ANK3: variants seen among roughly 807,000 people sequenced by gnomAD.
ANK3 encodes ankyrin 3.
Under a neutral mutation model 370.9 loss-of-function variants are expected in ANK3, and 57 were observed. The ratio of observed to expected loss-of-function variants is 0.15; its 90% CI spans 0.12 to 0.19. The LOEUF is 0.19. ANK3 is among the 10% of genes least tolerant of loss of function. The pLI is 1.00. For synonymous variants in ANK3, 1,929 were observed against 1,946.3 expected, an observed-to-expected ratio of 0.99 and a Z score of 0.23; for missense variants, 4,439 against 5,302.1, an observed-to-expected ratio of 0.84 and a Z score of 5.06.
chr10:60,405,047 A>T (rs2063425375), intron 2 of ANK3, among the ~76,000 whole-genome samples: 1 of 152,292 alleles, frequency 6.6e-6, no homozygotes, highest in African/African-American at 2.4e-5. Flanking sequence ...AGGATGTAAA[A>T]CAACCAGAAC....
At chr10:60,501,810 CA>C (rs1018625259) in intron 2 of ANK3, among the ~76,000 whole-genome samples, 1 of 150,468 alleles carries the variant, frequency 6.6e-6, no homozygotes, top group East Asian at 2.0e-4. Context: ...CCCAAGTCTA[CA>C]AAAAAAAGGA....
At chr10:60,573,620 A>C (rs531122435) in intron 2 of ANK3, among the ~76,000 whole-genome samples, 1 of 152,330 alleles carries the variant, frequency 6.6e-6, no homozygotes, top group South Asian at 2.1e-4. Context: ...CCTGGGTGGA[A>C]ACCCCCTCAC....
chr10:60,111,625 A>G, intron 26 of ANK3: 1 of 342,482 alleles, frequency 2.9e-6, no homozygotes, highest in Non-Finnish European at 5.9e-6. Context: ...GAACAGCAGG[A>G]TGACAAATGC....
chr10:60,500,363 C>A (rs1343327014), intron 2 of ANK3, among the ~76,000 whole-genome samples: 1 of 152,006 alleles, frequency 6.6e-6, no homozygotes, highest in Non-Finnish European at 1.5e-5. Context: ...TTATGGGTAA[C>A]AGCTAGTTAA....
intron 18 of ANK3, among the ~76,000 whole-genome samples, chr10:60,176,747 G>A (rs1198631666): frequency 6.6e-6 from 1 of 151,912 alleles, no homozygotes; most frequent in Non-Finnish European, 1.5e-5. Context: ...TGACAAGAGC[G>A]AAACTTCGTC....
chr10:60,187,304 T>C (rs374187902), intron 16 of ANK3, among the ~76,000 whole-genome samples: 13 of 151,946 alleles, frequency 8.6e-5, no homozygotes, highest in African/African-American at 3.1e-4. Flanking sequence ...TACAGGCGCC[T>C]GCCACCATGC....
chr10:60,423,895 T>C (rs187090296), intron 2 of ANK3, among the ~76,000 whole-genome samples: 1 of 152,198 alleles, frequency 6.6e-6, no homozygotes, highest in East Asian at 1.9e-4. Flanking sequence ...CTACCATTCT[T>C]TCATAAAAGT....
chr10:60,491,099 A>G (rs1468352566), intron 2 of ANK3, among the ~76,000 whole-genome samples: 1 of 152,206 alleles, frequency 6.6e-6, no homozygotes, highest in Non-Finnish European at 1.5e-5. Context: ...ATGTTGTTGC[A>G]TGGTATCAGT....
intron 1 of ANK3, among the ~76,000 whole-genome samples, chr10:60,360,078 C>T (rs1455519795): frequency 2.6e-5 from 4 of 152,076 alleles, no homozygotes; most frequent in African/African-American, 4.8e-5. Context: ...TTTTAGGATC[C>T]ATAAAATAGT....
At chr10:60,226,506 T>G (rs2097152967) in intron 8 of ANK3, among the ~76,000 whole-genome samples, 1 of 68,044 alleles carries the variant, frequency 1.5e-5, no homozygotes, top group African/African-American at 7.7e-5. Flanking sequence ...CTATAGTATA[T>G]ATACATAGTA....
At chr10:60,499,938 T>C (rs2075756337) in intron 2 of ANK3, among the ~76,000 whole-genome samples, 1 of 152,222 alleles carries the variant, frequency 6.6e-6, no homozygotes, top group South Asian at 2.1e-4. Context: ...TGAATTATTT[T>C]AAATAACTGA....
At chr10:60,619,873 GC>G (rs1444382855) in intron 1 of ANK3, among the ~76,000 whole-genome samples, 1 of 152,108 alleles carries the variant, frequency 6.6e-6, no homozygotes, top group Non-Finnish European at 1.5e-5. Context: ...AGCTACAGAA[GC>G]AATCATGGTT....
chr10:60,128,529 A>T (rs1389340526), intron 25 of ANK3, among the ~76,000 whole-genome samples: 1 of 151,904 alleles, frequency 6.6e-6, no homozygotes, highest in African/African-American at 2.4e-5. Flanking sequence ...ACAGGCGTGC[A>T]CCACTACCAC....
At chr10:60,498,315 G>T (rs1208680232) in intron 2 of ANK3, among the ~76,000 whole-genome samples, 1 of 152,118 alleles carries the variant, frequency 6.6e-6, no homozygotes, top group African/African-American at 2.4e-5. Context: ...TGTTGACTCT[G>T]GGTTTATTGA....
At chr10:60,649,055 A>G (rs529555128) in intron 1 of ANK3, among the ~76,000 whole-genome samples, 3 of 152,256 alleles carry the variant, frequency 2.0e-5, no homozygotes, top group African/African-American at 7.2e-5. Context: ...TGTCCTTCTT[A>G]GGAACTGGCC....
At chr10:60,624,878 T>G (rs1342341236) in intron 1 of ANK3, among the ~76,000 whole-genome samples, 4 of 152,096 alleles carry the variant, frequency 2.6e-5, no homozygotes, top group Non-Finnish European at 5.9e-5. Context: ...TAAATGAAAG[T>G]TGAGAACTAA....
chr10:60,675,438 C>G (rs534407991), intron 1 of ANK3, among the ~76,000 whole-genome samples: 14 of 152,312 alleles, frequency 9.2e-5, no homozygotes, highest in African/African-American at 3.4e-4. Flanking sequence ...ACATCTGTGA[C>G]CATTCCAGTC....
chr10:60,300,493 A>C, intron 1 of ANK3: 4 of 1,262,888 alleles, frequency 3.2e-6, no homozygotes, highest in Middle Eastern at 2.4e-4. Context: ...GGTCAGAAGC[A>C]ACTAACTAGA....
At chr10:60,333,700 T>C (rs2052040419) in intron 1 of ANK3, among the ~76,000 whole-genome samples, 1 of 152,218 alleles carries the variant, frequency 6.6e-6, no homozygotes, top group Admixed American at 6.5e-5. Flanking sequence ...TTTCTAGTTC[T>C]AGATCCTTGA....
Sources: allele counts gnomAD v4.1 joint callset (sites outside exome capture counted in the v4.1 genomes callset), GRCh38; gene constraint gnomAD v4.1.1; transcripts MANE v1.5; gene names NCBI Gene and HGNC (gene_info 2026-07-23, HGNC 2026-07-21).